Variants in SYNDIG1L observed in about 807,000 individuals in gnomAD.
The protein encoded by SYNDIG1L is synapse differentiation inducing 1 like.
SYNDIG1L carries 13 observed loss-of-function variants against 20.1 expected under a neutral mutation model. That is an observed-to-expected ratio of 0.65 (90% CI 0.42 to 1.03). The LOEUF is 1.03. Among genes scored for constraint, SYNDIG1L ranks in the 50% least tolerant of loss-of-function variants. SYNDIG1L has a pLI of 0.00. For synonymous variants in SYNDIG1L, 128 were observed against 129.3 expected (o/e 0.99, Z 0.07); for missense variants, 294 against 305.1 (o/e 0.96, Z 0.27).
At chr14:74,417,139 C>A (rs1326425038) in intron 1 of SYNDIG1L, among the ~76,000 whole-genome samples, 2 of 152,210 alleles carry the variant, frequency 1.3e-5, no homozygotes, top group African/African-American at 2.4e-5. Flanking sequence ...GAAATTAAAT[C>A]GATTTTCTGA....
chr14:74,447,485 G>A, the SYNDIG1L span, among the ~76,000 whole-genome samples: 1 of 151,986 alleles, frequency 6.6e-6, no homozygotes, highest in African/African-American at 2.4e-5. Context: ...TACTTGAGAG[G>A]CTGAGGCTGG....
At chr14:74,440,803 G>T in the SYNDIG1L span, among the ~76,000 whole-genome samples, 12,223 of 152,134 alleles carry the variant, frequency 0.08, 809 homozygotes, top group South Asian at 0.19. Flanking sequence ...AGCAGTGAAA[G>T]GGATACATTT....
rs868302525 is a variant in SYNDIG1L, at chr14:74,406,501, G to C, written c.*1034C>G. ...CCTTAGATGAATTCTATTCATCCTA[G>C]GACTTGCTCAAGGGATACCTCCTCC... On this transcript the variant is annotated 3_prime_UTR_variant, in exon 4 of 4. Coordinates refer to ENST00000331628, the MANE Select transcript of SYNDIG1L (RefSeq NM_001105579.2). 2.3e-4 allele frequency: 36 copies of C among 159,776 alleles called. No individual in the cohort carries two copies. The highest frequency in any genetic ancestry group is 8.4e-4 in the African/African-American group (35 of 41,902). 9.9% of individuals were successfully genotyped at this position (159,776 alleles called of 1,614,324 possible).
chr14:74,419,168 C>T (rs909351802), intron 1 of SYNDIG1L, among the ~76,000 whole-genome samples: 1 of 152,182 alleles, frequency 6.6e-6, no homozygotes, highest in African/African-American at 2.4e-5. Flanking sequence ...AGAGGTCATC[C>T]CTAATTCCTC....
intron 1 of SYNDIG1L, among the ~76,000 whole-genome samples, chr14:74,410,476 T>A (rs912129263): frequency 1.3e-5 from 2 of 152,106 alleles, no homozygotes; most frequent in Admixed American, 1.3e-4. Context: ...GAGGGGGTAC[T>A]AGGTTAGGAT....
chr14:74,413,513 C>T (rs190509290), intron 1 of SYNDIG1L, among the ~76,000 whole-genome samples: 5 of 152,196 alleles, frequency 3.3e-5, no homozygotes, highest in East Asian at 1.9e-4. Flanking sequence ...ATCTCAACTC[C>T]GCCAAAATGT....
Position 74,409,781 on chromosome 14 carries a change from C to A in SYNDIG1L, c.-37G>T. The A allele has an allele frequency of 7.1e-7, 1 of 1,411,606 alleles. No individual in the cohort carries two copies. The highest frequency in any genetic ancestry group is 9.3e-7 in the Non-Finnish European group (1 of 1,078,734). The allele number at this position is 1,411,606 out of a possible 1,614,324, so 87.4% of individuals were successfully genotyped here. The stretch of plus-strand genomic sequence containing the variant: ...AGCTGCTGGGGAGGGGGGCCTGGGC[C>A]AGCTGAGCAGTCCTCAGAGCCTGTC... On this transcript the variant is annotated 5_prime_UTR_variant, in exon 2 of 4. Transcript: ENST00000331628.
the SYNDIG1L span, among the ~76,000 whole-genome samples, chr14:74,452,702 C>T: frequency 2.6e-5 from 4 of 152,190 alleles, no homozygotes; most frequent in African/African-American, 9.6e-5. Flanking sequence ...TAAATATAAA[C>T]TTGCCACATA....
rs78031778 is a variant in SYNDIG1L at position 74,421,451 on chromosome 14, C to T, written c.-58+4461G>A. On this transcript the variant is annotated intron_variant, in intron 1 of 3. Coordinates refer to ENST00000331628, the MANE Select transcript of SYNDIG1L (RefSeq NM_001105579.2). ...TAATAGGAGTTTCAGAAAGACACAA[C>T]GGAAAGACTAGAGGAGAAAAATAAC... Among the ~76,000 whole-genome samples the T allele has an allele frequency of 9.0e-3, 1,367 of 152,096 alleles. 27 individuals carry two copies. The highest frequency in any genetic ancestry group is 0.031 in the African/African-American group (1,306 of 41,492).
intron 1 of SYNDIG1L, among the ~76,000 whole-genome samples, chr14:74,419,729 G>A (rs2086206678): frequency 6.6e-6 from 1 of 152,276 alleles, no homozygotes; most frequent in Non-Finnish European, 1.5e-5. Flanking sequence ...TGAAGGTGAT[G>A]GTGAGAACTA....
In SYNDIG1L at chr14:74,409,327, C is replaced by T; in HGVS notation, c.417+1G>A. The stretch of plus-strand genomic sequence containing the variant: ...TCTGCATTTTAACCTCATGCACTCA[C>T]CTCCTCTTCCTCCTGGTCATCCTCC... On this transcript the variant is annotated splice_donor_variant, in intron 2 of 3. Coordinates refer to ENST00000331628, the MANE Select transcript of SYNDIG1L (RefSeq NM_001105579.2). LOFTEE classifies it high-confidence loss of function. The T allele has an allele frequency of 1.3e-6, 2 of 1,540,120 alleles. No homozygotes were observed. Among genetic ancestry groups the T allele is most frequent in the East Asian group, 2.3e-5 (1 of 42,568 alleles).
chr14:74,408,462 G>A (rs2086102649), intron 2 of SYNDIG1L, among the ~76,000 whole-genome samples: 1 of 151,894 alleles, frequency 6.6e-6, no homozygotes, highest in African/African-American at 2.4e-5. Flanking sequence ...TACTTGGGAG[G>A]CTGAGGCAGG....
chr14:74,476,364 C>A, the SYNDIG1L span: 20 of 718,552 alleles, frequency 2.8e-5, no homozygotes, highest in Non-Finnish European at 4.7e-5. Flanking sequence ...GCAGTCAGAG[C>A]TAAGCTGATC....
the SYNDIG1L span, chr14:74,474,073 T>C: frequency 1.3e-5 from 2 of 152,254 alleles, no homozygotes; most frequent in African/African-American, 2.4e-5. Flanking sequence ...GCTAGTCCTC[T>C]GCACTAGCCT....
At chr14:74,408,418 G>C (rs1025887235) in intron 2 of SYNDIG1L, among the ~76,000 whole-genome samples, 3 of 152,076 alleles carry the variant, frequency 2.0e-5, no homozygotes, top group Non-Finnish European at 4.4e-5. Flanking sequence ...ACGAAAATTA[G>C]CTGGGCATGG....
the SYNDIG1L span, among the ~76,000 whole-genome samples, chr14:74,467,545 C>T: frequency 3.9e-5 from 6 of 152,186 alleles, no homozygotes; most frequent in Non-Finnish European, 8.8e-5. Context: ...TTGCCTTTTG[C>T]AGGAGGTGGC....
intron 1 of SYNDIG1L, among the ~76,000 whole-genome samples, chr14:74,413,126 C>G (rs1044767927): frequency 6.6e-6 from 1 of 152,206 alleles, no homozygotes; most frequent in Non-Finnish European, 1.5e-5. Context: ...GCAGGGGCAG[C>G]TGAATCCCAG....
the SYNDIG1L span, among the ~76,000 whole-genome samples, chr14:74,448,566 C>A: frequency 6.6e-6 from 1 of 152,054 alleles, no homozygotes; most frequent in African/African-American, 2.4e-5. Flanking sequence ...AATACAGCAA[C>A]CTCTTCTATA....
upstream of SYNDIG1L, among the ~76,000 whole-genome samples, chr14:74,428,129 C>A (rs531095599): frequency 1.1e-3 from 165 of 152,356 alleles, no homozygotes; most frequent in African/African-American, 3.8e-3. Context: ...TCTAGTCTCG[C>A]CTTTGTCATT....
Sources: allele counts gnomAD v4.1 joint callset (sites outside exome capture counted in the v4.1 genomes callset), GRCh38; gene constraint gnomAD v4.1.1; transcripts MANE v1.5; gene names NCBI Gene and HGNC (gene_info 2026-07-23, HGNC 2026-07-21).